Variants in FGD4 observed in about 807,000 individuals in gnomAD.
FGD4 encodes the protein FYVE, RhoGEF and PH domain-containing protein 4.
FGD4 carries 42 observed loss-of-function variants against 102.0 expected under a neutral mutation model. The observed-to-expected ratio is 0.41, with a 90% CI of 0.32 to 0.53. The LOEUF is 0.53. FGD4 is among the 20% of genes least tolerant of loss of function. FGD4 has a pLI of 0.21. For missense variants in FGD4, 902 were observed against 1,078.2 expected, an observed-to-expected ratio of 0.84 and a Z score of 2.29; for synonymous variants, 380 against 375.7, an observed-to-expected ratio of 1.01 and a Z score of -0.13.
intron 1 of FGD4, among the ~76,000 whole-genome samples, chr12:32,487,799 TCAAGCAGTCCTC>T (rs1943957117): frequency 6.6e-6 from 1 of 152,200 alleles, no homozygotes; most frequent in East Asian, 1.9e-4. Flanking sequence ...ACTCCTGGGC[TCAAGCAGTCCTC>T]CCGCCTCAGC....
At position 32,608,072 on chromosome 12, in the gene FGD4, C is replaced by A; in HGVS notation, c.1520C>A (p.Ser507Tyr). ...TATCTAAGGAAATTGCCTCCTGATTCCCTGGACTGGAATGATGCTAAAAGT... is the reference window on the plus strand; with the variant it reads ...TATCTAAGGAAATTGCCTCCTGATTACCTGGACTGGAATGATGCTAAAAGT... ...KDYLRKLPPD[S>Y]LDWNDAKKSL... Residue 507 changes from serine (S) to tyrosine (Y), a missense_variant, in exon 8 of 17, where the codon TCC (serine) becomes TAC (tyrosine). Ser to Tyr is a moderately radical substitution (Grantham distance 144). Coordinates refer to ENST00000534526, the MANE Select transcript of FGD4 (RefSeq NM_001370298.3). 2 of 1,614,182 alleles carry A rather than the reference C, an allele frequency of 1.2e-6. No individual in the cohort carries two copies. The highest frequency in any genetic ancestry group is 2.2e-5 in the East Asian group (1 of 44,874).
At chr12:32,541,665 G>C (rs1175199522) in intron 1 of FGD4, among the ~76,000 whole-genome samples, 2 of 152,160 alleles carry the variant, frequency 1.3e-5, no homozygotes, top group Non-Finnish European at 2.9e-5. Flanking sequence ...TGCCCGGCCA[G>C]TAATATTTTT....
At chr12:32,419,132 C>T (rs1034068437) in intron 1 of FGD4, among the ~76,000 whole-genome samples, 12 of 152,114 alleles carry the variant, frequency 7.9e-5, no homozygotes, top group Non-Finnish European at 4.4e-5. Context: ...AAATGCTGAC[C>T]AAGAGCCTAG....
At chr12:32,600,768 G>C (rs540470910) in intron 5 of FGD4, among the ~76,000 whole-genome samples, 6 of 152,044 alleles carry the variant, frequency 3.9e-5, no homozygotes, top group African/African-American at 1.4e-4. Flanking sequence ...CACTTGTTCT[G>C]TTGTGGGAAC....
intron 1 of FGD4, among the ~76,000 whole-genome samples, chr12:32,412,463 G>A (rs775233124): frequency 2.6e-5 from 4 of 152,056 alleles, no homozygotes; most frequent in Non-Finnish European, 5.9e-5. Flanking sequence ...AATTCCTTGC[G>A]CTCCTTCAAT....
chr12:32,442,561 CTTTTTTTTTTTT>C (rs35994170), intron 1 of FGD4, among the ~76,000 whole-genome samples: 1 of 107,124 alleles, frequency 9.3e-6, no homozygotes, highest in Non-Finnish European at 1.8e-5. Flanking sequence ...ATCTTTCATC[CTTTTTTTTTTTT>C]TTTTTTTGGA....
chr12:32,533,177 T>C (rs559396758), intron 1 of FGD4, among the ~76,000 whole-genome samples: 2 of 152,240 alleles, frequency 1.3e-5, no homozygotes, highest in African/African-American at 4.8e-5. Context: ...CACTGTCACC[T>C]GGGAGCTTGT....
intron 1 of FGD4, among the ~76,000 whole-genome samples, chr12:32,498,209 G>A (rs1383709967): frequency 1.3e-5 from 2 of 152,176 alleles, no homozygotes; most frequent in African/African-American, 2.4e-5. Flanking sequence ...AACTCACAGG[G>A]GTGCTGTCTG....
chr12:32,583,066 G>A (rs1454321148), intron 4 of FGD4: 2 of 153,064 alleles, frequency 1.3e-5, no homozygotes, highest in Non-Finnish European at 2.9e-5. Context: ...GCCAGGCATG[G>A]TGGCTGATTG....
Position 32,540,631 on chromosome 12 carries a change from T to G in FGD4, c.167-23506T>G, listed in dbSNP as rs1457657364. On this transcript the variant is annotated intron_variant, in intron 1 of 16. Transcript: ENST00000534526. ...CTCAAGCTGGAGTGTGATGGTGTGA[T>G]CTCAGCTCACCGCAACCTCCACCTC... is the stretch of plus-strand genomic sequence containing the variant. Among the ~76,000 whole-genome samples, 9 of 151,512 alleles carry G rather than the reference T, an allele frequency of 5.9e-5. No individual in the cohort carries two copies. The East Asian group carries it at 1.7e-3, about 29-fold the overall frequency.
At chr12:32,603,666 TG>T (rs1010647583) in intron 7 of FGD4, among the ~76,000 whole-genome samples, 27 of 151,984 alleles carry the variant, frequency 1.8e-4, no homozygotes, top group African/African-American at 5.3e-4. Context: ...ATTATAGGCG[TG>T]AGCCACCGCG....
At chr12:32,460,688 T>C (rs968286154) in intron 1 of FGD4, among the ~76,000 whole-genome samples, 10 of 152,078 alleles carry the variant, frequency 6.6e-5, no homozygotes, top group Non-Finnish European at 1.2e-4. Flanking sequence ...CAAAGAAAGA[T>C]TGGTCATTTG....
intron 3 of FGD4, 148 bp from the exon 4 acceptor site, chr12:32,581,812 T>A: frequency 1.2e-6 from 1 of 834,774 alleles, no homozygotes; most frequent in East Asian, 2.7e-5. Context: ...GGGTCTACAC[T>A]AAGAATATTC....
At chr12:32,535,000 T>C (rs2136089507) in intron 1 of FGD4, among the ~76,000 whole-genome samples, 1 of 152,336 alleles carries the variant, frequency 6.6e-6, no homozygotes, top group East Asian at 1.9e-4. Context: ...AAAGACAACA[T>C]TGTAGAGATA....
At chr12:32,474,988 C>G (rs1460725107) in intron 1 of FGD4, among the ~76,000 whole-genome samples, 1 of 152,118 alleles carries the variant, frequency 6.6e-6, no homozygotes, top group Non-Finnish European at 1.5e-5. Flanking sequence ...ATAGTAAAAA[C>G]CTTGCCATTG....
intron 14 of FGD4, among the ~76,000 whole-genome samples, chr12:32,629,333 G>A (rs1195510608): frequency 6.6e-6 from 1 of 152,172 alleles, no homozygotes; most frequent in Admixed American, 6.5e-5. Flanking sequence ...AATGAAGCAA[G>A]TTGAAATGAA....
intron 1 of FGD4, among the ~76,000 whole-genome samples, chr12:32,458,946 T>C (rs1276448202): frequency 1.3e-5 from 2 of 152,192 alleles, no homozygotes; most frequent in Non-Finnish European, 2.9e-5. Flanking sequence ...TTTTCTAAAG[T>C]TTCTCCAATA....
At chr12:32,486,137 G>T in intron 1 of FGD4, 1 of 1,528,586 alleles carries the variant, frequency 6.5e-7, no homozygotes. Context: ...ATCTTTTATG[G>T]GGGGCTGTGA....
intron 3 of FGD4, 54 bp downstream of exon 3, chr12:32,576,503 G>GA: frequency 2.5e-6 from 4 of 1,580,216 alleles, no homozygotes; most frequent in Non-Finnish European, 3.5e-6. Flanking sequence ...GCTGATTTTC[G>GA]AAAAAATGAT....
Sources: gnomAD v4.1 joint callset for allele counts (sites outside exome capture counted in the v4.1 genomes callset) on GRCh38, gnomAD v4.1.1 for gene constraint, MANE v1.5 for transcripts, NCBI Gene and HGNC (gene_info 2026-07-23, HGNC 2026-07-21) for gene names.